Variants in PLEKHB2 observed in about 807,000 individuals in gnomAD.
PLEKHB2 encodes the protein pleckstrin homology domain-containing family B member 2.
PLEKHB2 carries 31 observed loss-of-function variants against 36.5 expected under a neutral mutation model. That is an observed-to-expected ratio of 0.85 (90% CI 0.64 to 1.15). PLEKHB2 has a LOEUF of 1.15. Ranked by LOEUF, PLEKHB2 falls within the 50% of genes most tolerant of loss-of-function variation. The pLI is 0.00. For synonymous variants in PLEKHB2, 119 were observed against 112.0 expected (o/e 1.06, Z -0.39); for missense variants, 262 against 295.3 (o/e 0.89, Z 0.83).
intron 4 of PLEKHB2, among the ~76,000 whole-genome samples, chr2:131,129,848 G>T (rs189766336): frequency 6.6e-6 from 1 of 151,906 alleles, no homozygotes; most frequent in Admixed American, 6.6e-5. Context: ...CAGATATCTA[G>T]TTTTTTTTGA....
rs549277427 is a variant in PLEKHB2, at chr2:131,139,203, A to G, written c.424-964A>G. 9.9e-5 allele frequency among the ~76,000 whole-genome samples: 15 copies of G among 151,776 alleles called. No homozygotes were observed. The South Asian group carries it at 3.1e-3, about 32-fold the overall frequency. ...GCACTTCCAGCTTGCCACCTTCCCC[A>G]TTATCTAGTTTGGGATGTGTGAAGC... On this transcript the variant is annotated intron_variant, in intron 6 of 7. Coordinates refer to ENST00000693505, the MANE Select transcript of PLEKHB2 (RefSeq NM_001100623.2).
At chr2:131,105,894 C>G (rs1423166139) in intron 1 of PLEKHB2, among the ~76,000 whole-genome samples, 2 of 152,232 alleles carry the variant, frequency 1.3e-5, no homozygotes, top group African/African-American at 4.8e-5. Flanking sequence ...GCTGCTCCCT[C>G]TGCTCCAGGG....
intron 1 of PLEKHB2, among the ~76,000 whole-genome samples, chr2:131,112,806 T>C (rs1695461319): frequency 6.6e-6 from 1 of 152,140 alleles, no homozygotes; most frequent in African/African-American, 2.4e-5. Context: ...CCAAGTCCCT[T>C]TAAACAGTTA....
intron 6 of PLEKHB2, among the ~76,000 whole-genome samples, chr2:131,135,440 G>C (rs1414166403): frequency 6.6e-6 from 1 of 152,116 alleles, no homozygotes; most frequent in Non-Finnish European, 1.5e-5. Context: ...TACTACATAG[G>C]CAATCATGTC....
At chr2:131,111,752 A>G (rs1397462136) in intron 1 of PLEKHB2, among the ~76,000 whole-genome samples, 1 of 152,074 alleles carries the variant, frequency 6.6e-6, no homozygotes, top group African/African-American at 2.4e-5. Flanking sequence ...CGGCCTCCTA[A>G]AGTGTTGGGA....
At chr2:131,123,775 A>C (rs7609332) in intron 2 of PLEKHB2, among the ~76,000 whole-genome samples, 11,643 of 38,326 alleles carry the variant, frequency 0.3, 598 homozygotes, top group African/African-American at 0.39. Context: ...CACCCCCCCC[A>C]CCCCCCCCCC....
intron 7 of PLEKHB2, among the ~76,000 whole-genome samples, chr2:131,141,898 T>C (rs1202429800): frequency 6.6e-6 from 1 of 152,202 alleles, no homozygotes; most frequent in Non-Finnish European, 1.5e-5. Context: ...ATATTAACCA[T>C]TGAAATTAAT....
chr2:131,130,813 C>A, intron 5 of PLEKHB2, 53 bp downstream of exon 5: 2 of 1,289,236 alleles, frequency 1.6e-6, no homozygotes, highest in South Asian at 1.2e-5. Flanking sequence ...GACAAGGTGT[C>A]ACTCTCACTC....
At chr2:131,106,391 C>T (rs1694738778) in intron 1 of PLEKHB2, among the ~76,000 whole-genome samples, 2 of 152,066 alleles carry the variant, frequency 1.3e-5, no homozygotes, top group Admixed American at 6.6e-5. Context: ...GAACCAGTAC[C>T]AATTCAGGAA....
At chr2:131,113,314 C>A (rs962248653) in intron 1 of PLEKHB2, among the ~76,000 whole-genome samples, 1 of 152,090 alleles carries the variant, frequency 6.6e-6, no homozygotes, top group African/African-American at 2.4e-5. Flanking sequence ...CTCAAGTGGT[C>A]CCCTGACCTT....
intron 6 of PLEKHB2, among the ~76,000 whole-genome samples, chr2:131,136,778 G>A (rs1437494907): frequency 6.6e-6 from 1 of 151,600 alleles, no homozygotes; most frequent in African/African-American, 2.4e-5. Context: ...AGAATAAATT[G>A]GAAAGTGTTT....
intron 4 of PLEKHB2, among the ~76,000 whole-genome samples, chr2:131,130,182 T>C (rs1276651319): frequency 1.3e-5 from 2 of 152,056 alleles, no homozygotes; most frequent in Non-Finnish European, 2.9e-5. Context: ...TAGCTTGGAC[T>C]GCAGGCATGC....
At chr2:131,141,639 C>CAAAAAA (rs771541896) in intron 7 of PLEKHB2, among the ~76,000 whole-genome samples, 1 of 57,126 alleles carries the variant, frequency 1.8e-5, no homozygotes, top group Non-Finnish European at 4.3e-5. Flanking sequence ...GACTCCGTCT[C>CAAAAAA]AAAAAAAAAA....
At position 131,132,985 on chromosome 2, in the gene PLEKHB2, C is replaced by G; in HGVS notation, c.417C>G (p.Ala139=). 1 of 1,612,544 alleles carries G rather than the reference C, an allele frequency of 6.2e-7. No homozygotes were observed. Among genetic ancestry groups the G allele is most frequent in the South Asian group, 1.1e-5 (1 of 91,046 alleles). ...PPPYTAYAAP[A]PEQAYGYGPY... ...CATACACGGCCTATGCTGCACCGGC[C>G]CCTGAGGTAGGGAGAACCCTGAGCC... Residue 139 remains alanine, a synonymous_variant, in exon 6 of 8, where the codon GCC becomes GCG. Coordinates refer to ENST00000693505, the MANE Select transcript of PLEKHB2 (RefSeq NM_001100623.2).
chr2:131,126,740 G>C lies in PLEKHB2; in HGVS notation c.247G>C (p.Asp83His). Residue 83 changes from aspartate (D) to histidine (H), a missense_variant, in exon 4 of 8, where the codon GAT (aspartate) becomes CAT (histidine). Coordinates refer to ENST00000693505, the MANE Select transcript of PLEKHB2 (RefSeq NM_001100623.2). ...CTGCATGCTCCAGATTGTTTGTCGA[G>C]ATGGGAAAACAATTAGTCTTTGTGC... ...KDCMLQIVCR[D>H]GKTISLCAES... 1 of 1,611,686 alleles carries C rather than the reference G, an allele frequency of 6.2e-7. No individual in the cohort carries two copies. The highest frequency in any genetic ancestry group is 8.5e-7 in the Non-Finnish European group (1 of 1,177,740).
chr2:131,120,560 T>C (rs547627060), intron 1 of PLEKHB2: 92 of 311,988 alleles, frequency 2.9e-4, no homozygotes, highest in African/African-American at 1.8e-3. Flanking sequence ...GCCTGGGCCA[T>C]GTGGACCCCA....
intron 1 of PLEKHB2, among the ~76,000 whole-genome samples, chr2:131,106,538 C>A (rs1341646867): frequency 6.6e-6 from 1 of 152,168 alleles, no homozygotes; most frequent in Non-Finnish European, 1.5e-5. Context: ...TGCGTCTGTG[C>A]CCATGCAGTG....
chr2:131,117,220 G>A (rs1695975252), intron 1 of PLEKHB2, among the ~76,000 whole-genome samples: 1 of 152,114 alleles, frequency 6.6e-6, no homozygotes. Context: ...AGAAGCTGAG[G>A]CGGGTGGATT....
chr2:131,139,630 TCG>T (rs1241980964), intron 6 of PLEKHB2, among the ~76,000 whole-genome samples: 3 of 152,258 alleles, frequency 2.0e-5, no homozygotes. Flanking sequence ...TGCATGTTTC[TCG>T]CCATGTCTTT....
Sources: allele counts gnomAD v4.1 joint callset (sites outside exome capture counted in the v4.1 genomes callset), GRCh38; gene constraint gnomAD v4.1.1; transcripts MANE v1.5; gene names NCBI Gene and HGNC (gene_info 2026-07-23, HGNC 2026-07-21).